Variants in ADAM10 observed in about 807,000 individuals in gnomAD.
The protein encoded by ADAM10 is ADAM metallopeptidase domain 10.
Under a neutral mutation model 90.1 loss-of-function variants are expected in ADAM10, and 17 were observed. The ratio of observed to expected loss-of-function variants is 0.19; its 90% CI spans 0.13 to 0.28. The LOEUF (loss-of-function observed/expected upper bound fraction) is 0.28, where lower values mean the gene tolerates loss of function less well. Among genes scored for constraint, ADAM10 ranks in the 10% least tolerant of loss-of-function variants. The probability of loss-of-function intolerance (pLI) is 1.00; values close to 1 mark genes in which losing one functional copy is unlikely to be tolerated. For missense variants in ADAM10, 610 were observed against 914.3 expected (o/e 0.67, Z 4.29); for synonymous variants, 310 against 298.6 (o/e 1.04, Z -0.40).
At chr15:58,744,586 T>C (rs530868010) in intron 1 of ADAM10, among the ~76,000 whole-genome samples, 16 of 152,168 alleles carry the variant, frequency 1.1e-4, no homozygotes, top group Non-Finnish European at 2.1e-4. Flanking sequence ...GAAACTACAA[T>C]AGAACCCAGA....
chr15:58,647,384 C>T (rs890296208), intron 5 of ADAM10, among the ~76,000 whole-genome samples: 24 of 150,644 alleles, frequency 1.6e-4, no homozygotes, highest in African/African-American at 5.4e-4. Context: ...CCTCAGCCTC[C>T]GGCATAGCTG....
chr15:58,699,926 A>C (rs1898083961), intron 2 of ADAM10, among the ~76,000 whole-genome samples: 1 of 152,232 alleles, frequency 6.6e-6, no homozygotes, highest in Non-Finnish European at 1.5e-5. Context: ...GGATAAAAGA[A>C]ACATGACTCA....
intron 1 of ADAM10, among the ~76,000 whole-genome samples, chr15:58,738,270 A>T (rs1899495395): frequency 6.6e-6 from 1 of 152,166 alleles, no homozygotes; most frequent in Non-Finnish European, 1.5e-5. Flanking sequence ...TGCTTCCTTT[A>T]TTTGATAATA....
intron 10 of ADAM10, among the ~76,000 whole-genome samples, chr15:58,626,011 G>A (rs1039392103): frequency 3.3e-5 from 5 of 152,110 alleles, no homozygotes; most frequent in African/African-American, 1.2e-4. Context: ...ACAGAAGGGA[G>A]GTAAGCATGG....
intron 2 of ADAM10, among the ~76,000 whole-genome samples, chr15:58,689,943 G>GA (rs1897727862): frequency 1.2e-5 from 1 of 80,100 alleles, no homozygotes; most frequent in East Asian, 7.6e-4. Context: ...ACCAAAGACA[G>GA]ACCCCCCCCA....
chr15:58,671,558 T>C (rs1349867850), intron 4 of ADAM10, among the ~76,000 whole-genome samples: 1 of 152,200 alleles, frequency 6.6e-6, no homozygotes, highest in Non-Finnish European at 1.5e-5. Flanking sequence ...CTTCTAGTTT[T>C]TCTGTAACTC....
At chr15:58,659,671 G>A (rs2140720737) in intron 5 of ADAM10, among the ~76,000 whole-genome samples, 1 of 152,164 alleles carries the variant, frequency 6.6e-6, no homozygotes, top group African/African-American at 2.4e-5. Context: ...TAGTTTTCTT[G>A]TAATGTCTCT....
At chr15:58,716,491 T>A (rs1357906583) in intron 2 of ADAM10, among the ~76,000 whole-genome samples, 2 of 152,162 alleles carry the variant, frequency 1.3e-5, no homozygotes, top group African/African-American at 4.8e-5. Context: ...CAGAACAAAG[T>A]TTACATGGTA....
intron 1 of ADAM10, among the ~76,000 whole-genome samples, chr15:58,727,633 G>A (rs1595661564): frequency 6.6e-6 from 1 of 152,086 alleles, no homozygotes; most frequent in African/African-American, 2.4e-5. Flanking sequence ...CGCCAGCCTT[G>A]TTATTTTTTA....
chr15:58,744,606 G>C (rs1384114199), intron 1 of ADAM10, among the ~76,000 whole-genome samples: 4 of 152,138 alleles, frequency 2.6e-5, no homozygotes, highest in African/African-American at 9.7e-5. Context: ...AATAACAACT[G>C]TTCTCCATAT....
chr15:58,614,153 C>T (rs1418858379), intron 11 of ADAM10, among the ~76,000 whole-genome samples: 2 of 152,034 alleles, frequency 1.3e-5, no homozygotes, highest in Non-Finnish European at 2.9e-5. Flanking sequence ...GGCATGGTGG[C>T]ACGCACCTGT....
chr15:58,741,553 T>C lies in ADAM10; in HGVS notation c.55+7927A>G, dbSNP rs1417406392. The stretch of plus-strand genomic sequence containing the variant: ...TATAAGCTTCTATCCAGACTCAAAA[T>C]CTTAAGACATTTTCAACTTCAACGA... On this transcript the variant is annotated intron_variant, in intron 1 of 15. Coordinates refer to ENST00000260408, the MANE Select transcript of ADAM10 (RefSeq NM_001110.4). Among the ~76,000 whole-genome samples the C allele has an allele frequency of 5.9e-5, 9 of 152,296 alleles. No homozygotes were observed. The East Asian group carries it at 1.7e-3, about 29-fold the overall frequency.
intron 4 of ADAM10, among the ~76,000 whole-genome samples, chr15:58,673,747 T>C (rs1366066363): frequency 6.6e-6 from 1 of 151,872 alleles, no homozygotes; most frequent in Non-Finnish European, 1.5e-5. Flanking sequence ...CTCTTTTTTT[T>C]TTTCTGAGAC....
At chr15:58,606,534 A>G (rs1458180280) in intron 14 of ADAM10, among the ~76,000 whole-genome samples, 1 of 152,196 alleles carries the variant, frequency 6.6e-6, no homozygotes, top group Non-Finnish European at 1.5e-5. Flanking sequence ...AAACCTTACA[A>G]TATCATTATA....
At position 58,591,208 on chromosome 15, in the gene ADAM10, T is replaced by C. The variant is rs923061544; in HGVS notation, c.*6339A>G. The C allele has an allele frequency of 4.6e-5, 7 of 152,186 alleles. No individual in the cohort carries two copies. The highest frequency in any genetic ancestry group is 1.3e-4 in the Admixed American group (2 of 15,286). 9.4% of individuals were successfully genotyped at this position (152,186 alleles called of 1,614,324 possible). On this transcript the variant is annotated 3_prime_UTR_variant, in exon 16 of 16. Transcript: ENST00000260408. ...TGGCCTGCTTGCTAAGATTGCTGGA[T>C]GACTGATAGCTTCAAGAGTTCACCC...
intron 1 of ADAM10, among the ~76,000 whole-genome samples, chr15:58,722,068 G>A (rs999997366): frequency 5.3e-5 from 8 of 151,578 alleles, no homozygotes; most frequent in Non-Finnish European, 1.0e-4. Flanking sequence ...GGCCGGGCAC[G>A]GTGGCTCATG....
At chr15:58,686,480 G>T in intron 2 of ADAM10, 1 of 1,404,986 alleles carries the variant, frequency 7.1e-7, no homozygotes. Flanking sequence ...GGCTGGCGTG[G>T]AGAGGATCAA....
intron 11 of ADAM10, among the ~76,000 whole-genome samples, chr15:58,621,083 G>GT (rs1431931950): frequency 6.6e-6 from 1 of 151,192 alleles, no homozygotes; most frequent in Admixed American, 6.6e-5. Flanking sequence ...GGCAAATGGC[G>GT]TAACTCTGTC....
At chr15:58,725,774 T>C (rs2140829421) in intron 1 of ADAM10, among the ~76,000 whole-genome samples, 1 of 152,072 alleles carries the variant, frequency 6.6e-6, no homozygotes, top group Non-Finnish European at 1.5e-5. Context: ...TTTAAAGTAC[T>C]ACAAGAAAAA....
Sources: gnomAD v4.1 joint callset for allele counts (sites outside exome capture counted in the v4.1 genomes callset) on GRCh38, gnomAD v4.1.1 for gene constraint, MANE v1.5 for transcripts, NCBI Gene and HGNC (gene_info 2026-07-23, HGNC 2026-07-21) for gene names.